Variants in GNRH1 observed in about 807,000 individuals in gnomAD.
GNRH1 encodes gonadotropin releasing hormone 1.
In GNRH1, 9 loss-of-function variants were observed where a neutral mutation model predicts 13.6. The observed-to-expected ratio is 0.66, with a 90% CI of 0.40 to 1.15. GNRH1 has a LOEUF of 1.15. Ranked by LOEUF, GNRH1 falls within the 50% of genes most tolerant of loss-of-function variation. GNRH1 has a pLI of 0.01. For missense variants in GNRH1, 116 were observed against 110.8 expected, an observed-to-expected ratio of 1.05 and a Z score of -0.21; for synonymous variants, 44 against 40.1, an observed-to-expected ratio of 1.10 and a Z score of -0.37.
chr8:25,421,757 GTCA>G, intron 2 of GNRH1, 89 bp from the exon 3 acceptor site: 1 of 471,224 alleles, frequency 2.1e-6, no homozygotes, highest in Non-Finnish European at 4.3e-6. Flanking sequence ...GGAGAGTGGG[GTCA>G]AGGGGGATGT....
chr8:25,423,474 T>A (rs1453947741), intron 1 of GNRH1, 143 bp from the exon 2 acceptor site: 2 of 721,250 alleles, frequency 2.8e-6, no homozygotes, highest in African/African-American at 3.5e-5. Flanking sequence ...ATACAGACAC[T>A]GAAACTCAGA....
chr8:25,421,007 G>C (rs1010179861), intron 3 of GNRH1, among the ~76,000 whole-genome samples: 1 of 152,052 alleles, frequency 6.6e-6, no homozygotes, highest in Non-Finnish European at 1.5e-5. Flanking sequence ...ATTTGGAGGT[G>C]ATTATTGTCC....
Position 25,421,646 on chromosome 8 carries a change from A to G in GNRH1, c.164T>C (p.Leu55Pro). Residue 55 changes from leucine (L) to proline (P), a missense_variant, in exon 3 of 4, where the codon CTG (leucine) becomes CCG (proline). Transcript: ENST00000421054. ...FQEIVKEVGQ[L>P]AETQRFECTT... The stretch of plus-strand genomic sequence containing the variant: ...GCATTCGAAGCGTTGGGTTTCTGCC[A>G]GTTGACCAACCTCTTTGACTATCTG... 1 of 1,592,358 alleles carries G rather than the reference A, an allele frequency of 6.3e-7. No individual in the cohort carries two copies. The highest frequency in any genetic ancestry group is 8.6e-7 in the Non-Finnish European group (1 of 1,162,566).
Position 25,419,342 on chromosome 8 carries a change from A to G in GNRH1, c.*77T>C. On this transcript the variant is annotated 3_prime_UTR_variant, in exon 4 of 4. Coordinates refer to ENST00000421054, the MANE Select transcript of GNRH1 (RefSeq NM_001083111.2). ...AAATTCATACCATTTACAGGTATTTAATGGGTTATAAATTTTCAATGTCAG... is the reference window on the plus strand; with the variant it reads ...AAATTCATACCATTTACAGGTATTTGATGGGTTATAAATTTTCAATGTCAG... The G allele has an allele frequency of 1.2e-6, 1 of 823,290 alleles. No homozygotes were observed. Among genetic ancestry groups the G allele is most frequent in the Non-Finnish European group, 2.2e-6 (1 of 458,050 alleles). The allele number at this position is 823,290 out of a possible 1,614,324, so 51.0% of individuals were successfully genotyped here.
Position 25,421,581 on chromosome 8 carries a change from C to T in GNRH1, c.229G>A (p.Gly77Arg), listed in dbSNP as rs777266970. The T allele has an allele frequency of 1.9e-6, 3 of 1,569,708 alleles. No homozygotes were observed. Among genetic ancestry groups the T allele is most frequent in the South Asian group, 2.2e-5 (2 of 89,888 alleles). The change falls in exon 3 of 4, where the codon GGA (glycine) becomes AGA (arginine). Residue 77 changes from glycine to arginine, a missense_variant. Transcript: ENST00000421054. ...QPRSPLRDLK[G>R]ALESLIEEET... ...TGATCACTTTAACTTACCAGAGCTCCTTTCAGGTCTCGGAGGGGAGAACGT... is the reference window on the plus strand; with the variant it reads ...TGATCACTTTAACTTACCAGAGCTCTTTTCAGGTCTCGGAGGGGAGAACGT...
At chr8:25,421,380 C>T (rs1222647061) in intron 3 of GNRH1, among the ~76,000 whole-genome samples, 193 bp downstream of exon 3, 1 of 152,144 alleles carries the variant, frequency 6.6e-6, no homozygotes, top group Non-Finnish European at 1.5e-5. Context: ...AACAAAAAAA[C>T]GTTTCAGCCC....
chr8:25,424,498 G>A (rs1801817618), upstream of GNRH1: 1 of 152,018 alleles, frequency 6.6e-6, no homozygotes, highest in South Asian at 2.1e-4. Flanking sequence ...TTATAGCTGA[G>A]GACACAATTC....
At chr8:25,423,594 T>G in intron 1 of GNRH1, 1 of 472,128 alleles carries the variant, frequency 2.1e-6, no homozygotes, top group Non-Finnish European at 3.8e-6. Flanking sequence ...CTTTTATTTT[T>G]ATTGTTTGGT....
chr8:25,422,839 A>T (rs1567126), intron 2 of GNRH1, among the ~76,000 whole-genome samples: 63,247 of 152,044 alleles, frequency 0.42, 13,778 homozygotes, highest in African/African-American at 0.56. Context: ...GGAAAAAAAA[A>T]ACGAAGTTCT....
Position 25,423,392 on chromosome 8 carries a change from AC to A in GNRH1, c.-1-62del, listed in dbSNP as rs1207934070. The A allele has an allele frequency of 3.5e-6, 5 of 1,435,474 alleles. No homozygotes were observed. The African/African-American group carries it at 7.0e-5, about 20-fold the overall frequency. The allele number at this position is 1,435,474 out of a possible 1,614,324, so 88.9% of individuals were successfully genotyped here. A position where few individuals can be genotyped will look rare whatever the true frequency, so the allele number is the denominator to read the frequency against. ...GACAAGGTTGAGTATAAACTAAAAGACCTCTTTAGTGAAAAAGCTAGCATCT... is the reference window on the plus strand; with the variant it reads ...GACAAGGTTGAGTATAAACTAAAAGACTCTTTAGTGAAAAAGCTAGCATCT... On this transcript the variant is annotated intron_variant, in intron 1 of 3. Coordinates refer to ENST00000421054, the MANE Select transcript of GNRH1 (RefSeq NM_001083111.2).
In GNRH1 at chr8:25,423,208, CA is replaced by C; in HGVS notation, c.122del (p.Leu41Ter). The C allele has an allele frequency of 6.2e-7, 1 of 1,612,554 alleles. No individual in the cohort carries two copies. Among genetic ancestry groups the C allele is most frequent in the Non-Finnish European group, 8.5e-7 (1 of 1,178,610 alleles). On this transcript the variant is annotated frameshift_variant, in exon 2 of 4. Coordinates refer to ENST00000421054, the MANE Select transcript of GNRH1 (RefSeq NM_001083111.2). LOFTEE classifies it high-confidence loss of function. ...RPGGKRDAEN[L>X]IDSFQEIVKE... Reference sequence around the variant, plus strand: ...AACTTACCTCTTGGAAAGAATCAATCAAATTTTCGGCATCTCTCTTTCCTCC... The same window carrying C: ...AACTTACCTCTTGGAAAGAATCAATCAATTTTCGGCATCTCTCTTTCCTCC...
chr8:25,423,395 T>C, intron 1 of GNRH1, 64 bp from the exon 2 acceptor site: 1 of 1,411,712 alleles, frequency 7.1e-7, no homozygotes. Context: ...CTAAAAGACC[T>C]CTTTAGTGAA....
At chr8:25,421,005 G>T (rs1191159246) in intron 3 of GNRH1, among the ~76,000 whole-genome samples, 1 of 152,036 alleles carries the variant, frequency 6.6e-6, no homozygotes, top group African/African-American at 2.4e-5. Flanking sequence ...GAATTTGGAG[G>T]TGATTATTGT....
intron 3 of GNRH1, 79 bp downstream of exon 3, chr8:25,421,494 G>A: frequency 4.1e-6 from 3 of 738,342 alleles, no homozygotes; most frequent in Non-Finnish European, 7.3e-6. Context: ...CTGGGAGGTA[G>A]CTGTCCTAAG....
At chr8:25,421,728 A>G (rs1801776381) in intron 2 of GNRH1, 60 bp from the exon 3 acceptor site, 1 of 519,696 alleles carries the variant, frequency 1.9e-6, no homozygotes, top group East Asian at 5.7e-5. Context: ...GGTGTTTTCC[A>G]TTTCCACCAA....
chr8:25,423,176 T>C lies in GNRH1; in HGVS notation c.141+14A>G, dbSNP rs760063993. The C allele has an allele frequency of 8.8e-6, 14 of 1,584,892 alleles. No individual in the cohort carries two copies. The highest frequency in any genetic ancestry group is 1.2e-5 in the Non-Finnish European group (14 of 1,153,346). The stretch of plus-strand genomic sequence containing the variant: ...AAATCACTATGTCTTATTTTGAAGC[T>C]GAGAGAAACTTACCTCTTGGAAAGA... On this transcript the variant is annotated intron_variant, in intron 2 of 3. Coordinates refer to ENST00000421054, the MANE Select transcript of GNRH1 (RefSeq NM_001083111.2).
intron 3 of GNRH1, among the ~76,000 whole-genome samples, chr8:25,420,333 G>A (rs1801754545): frequency 8.7e-6 from 1 of 114,414 alleles, no homozygotes; most frequent in Non-Finnish European, 1.8e-5. Flanking sequence ...AGAATCGCTT[G>A]AACCCAGGAG....
intron 3 of GNRH1, among the ~76,000 whole-genome samples, chr8:25,421,166 G>C (rs1179399849): frequency 6.6e-6 from 1 of 152,162 alleles, no homozygotes; most frequent in Non-Finnish European, 1.5e-5. Flanking sequence ...AACCATGTAA[G>C]ATAAAGCACA....
chr8:25,423,288 T>A lies in GNRH1; in HGVS notation c.43A>T (p.Thr15Ser). 1 of 1,612,284 alleles carries A rather than the reference T, an allele frequency of 6.2e-7. No individual in the cohort carries two copies. The highest frequency in any genetic ancestry group is 8.5e-7 in the Non-Finnish European group (1 of 1,178,344). ...CTGGAGCAGCCTTCCACGCACCAAG[T>A]CAGTAGAATAAGGCCAGCTAGGAGT... Reference protein sequence around the residue: ...QKLLAGLILLTWCVEGCSSQH... With the variant: ...QKLLAGLILLSWCVEGCSSQH... The change falls in exon 2 of 4, where the codon ACT becomes TCT. Residue 15 changes from threonine (T) to serine (S), a missense_variant. Transcript: ENST00000421054.
Sources: allele counts gnomAD v4.1 joint callset (sites outside exome capture counted in the v4.1 genomes callset), GRCh38; gene constraint gnomAD v4.1.1; transcripts MANE v1.5; gene names NCBI Gene and HGNC (gene_info 2026-07-23, HGNC 2026-07-21).